The following TMOD1 variants were observed in gnomAD, a reference collection of about 807,000 sequenced individuals.
The protein encoded by TMOD1 is tropomodulin-1.
TMOD1 carries 17 observed loss-of-function variants against 40.6 expected under a neutral mutation model. The ratio of observed to expected loss-of-function variants is 0.42; its 90% CI spans 0.29 to 0.63. The LOEUF (loss-of-function observed/expected upper bound fraction) is 0.63, where lower values mean the gene tolerates loss of function less well. TMOD1 is among the 20% of genes least tolerant of loss of function. TMOD1 has a pLI of 0.22. For synonymous variants in TMOD1, 181 were observed against 175.0 expected, an observed-to-expected ratio of 1.03 and a Z score of -0.27; for missense variants, 391 against 447.6, an observed-to-expected ratio of 0.87 and a Z score of 1.14.
rs756536596 is a variant in TMOD1 at position 97,599,644 on chromosome 9, G to A, written c.1026G>A (p.Arg342=). ...TCCATTCCTTTCCAGTGAGGAAGAG[G>A]AGGCTTGCGGACCTGACTGGGCCCA... ...MMNNNDLVRK[R]RLADLTGPII... The change falls in exon 10 of 10, where the codon AGG becomes AGA. Residue 342 remains arginine (R), a synonymous_variant. Transcript: ENST00000259365. 5 of 1,614,070 alleles carry A rather than the reference G, an allele frequency of 3.1e-6. No individual in the cohort carries two copies. The African/African-American group carries it at 5.3e-5, about 17-fold the overall frequency.
intron 9 of TMOD1, among the ~76,000 whole-genome samples, chr9:97,594,681 A>G (rs963003799): frequency 9.2e-5 from 14 of 152,190 alleles, no homozygotes; most frequent in Non-Finnish European, 1.6e-4. Context: ...ATGCATCCTG[A>G]CCAGTGCGTC....
In TMOD1 at chr9:97,600,162, C is replaced by T. The variant is rs992047810; in HGVS notation, c.*464C>T. ...AAAACTGATTATCATTCTTTATTAACCCTCCTTGGAATTTTGAAAACCTCG... is the reference window on the plus strand; with the variant it reads ...AAAACTGATTATCATTCTTTATTAATCCTCCTTGGAATTTTGAAAACCTCG... On this transcript the variant is annotated 3_prime_UTR_variant, in exon 10 of 10. Transcript: ENST00000259365. 21 of 998,208 alleles carry T rather than the reference C, an allele frequency of 2.1e-5. No individual in the cohort carries two copies. The highest frequency in any genetic ancestry group is 2.5e-5 in the Non-Finnish European group (21 of 836,236). The allele number at this position is 998,208 out of a possible 1,614,324, so 61.8% of individuals were successfully genotyped here. A position where few individuals can be genotyped will look rare whatever the true frequency, so the allele number is the denominator to read the frequency against.
At chr9:97,558,512 C>T (rs1235972087) in intron 4 of TMOD1, among the ~76,000 whole-genome samples, 1 of 152,094 alleles carries the variant, frequency 6.6e-6, no homozygotes, top group Admixed American at 6.5e-5. Context: ...GGCGTGATCT[C>T]GGCTCACTGT....
rs1564004568 is a variant in TMOD1 at position 97,601,515 on chromosome 9, A to G, written c.*1817A>G. 1.0e-6 allele frequency: 1 copy of G among 988,698 alleles called. No homozygotes were observed. The highest frequency in any genetic ancestry group is 1.2e-6 in the Non-Finnish European group (1 of 832,000). The allele number at this position is 988,698 out of a possible 1,614,324, so 61.2% of individuals were successfully genotyped here. On this transcript the variant is annotated 3_prime_UTR_variant, in exon 10 of 10. Coordinates refer to ENST00000259365, the MANE Select transcript of TMOD1 (RefSeq NM_003275.4). ...GAAATCTCTCATAGAAACGAAACCA[A>G]ACCAACAGAAAATGAAGAAGGCCAC...
chr9:97,531,475 G>A (rs1041185897), intron 2 of TMOD1, among the ~76,000 whole-genome samples: 15 of 152,240 alleles, frequency 9.9e-5, no homozygotes, highest in African/African-American at 3.6e-4. Context: ...GCTAGGCGTG[G>A]TGGTGCGCAA....
At chr9:97,586,939 G>T (rs1825889940) in intron 8 of TMOD1, among the ~76,000 whole-genome samples, 1 of 152,328 alleles carries the variant, frequency 6.6e-6, no homozygotes, top group Middle Eastern at 3.4e-3. Flanking sequence ...TGGTACCTCA[G>T]ATGGAAATGC....
Position 97,562,752 on chromosome 9 carries a change from C to T in TMOD1, c.418C>T (p.Leu140Phe), listed in dbSNP as rs761554847. ...DIAAILGMHTLMSNQQYYQAL... is the reference protein window; with the variant it reads ...DIAAILGMHTFMSNQQYYQAL... ...TGCAGCGATCCTGGGCATGCACACG[C>T]TCATGAGTAACCAGCAGTACTACCA... is the stretch of plus-strand genomic sequence containing the variant. Residue 140 changes from leucine (L) to phenylalanine (F), a missense_variant, in exon 5 of 10, where the codon CTC (leucine) becomes TTC (phenylalanine). By Grantham distance (22) the Leu-to-Phe change is conservative. Coordinates refer to ENST00000259365, the MANE Select transcript of TMOD1 (RefSeq NM_003275.4). 3 of 1,571,038 alleles carry T rather than the reference C, an allele frequency of 1.9e-6. 1 individual carries two copies. The South Asian group carries it at 3.6e-5, about 19-fold the overall frequency.
intron 1 of TMOD1, among the ~76,000 whole-genome samples, chr9:97,505,429 G>T (rs567214124): frequency 6.6e-6 from 1 of 152,176 alleles, no homozygotes; most frequent in East Asian, 1.9e-4. Context: ...CGTTTCTAGC[G>T]ATGATTCTGG....
intron 3 of TMOD1, among the ~76,000 whole-genome samples, chr9:97,552,790 G>C (rs77565635): frequency 2.0e-3 from 307 of 152,218 alleles, no homozygotes; most frequent in African/African-American, 6.4e-3. Context: ...GTCCTCATAC[G>C]TACCTCTTTA....
chr9:97,514,536 T>G (rs1829768535), intron 1 of TMOD1, among the ~76,000 whole-genome samples: 1 of 152,172 alleles, frequency 6.6e-6, no homozygotes, highest in Non-Finnish European at 1.5e-5. Flanking sequence ...CCTCACTGCT[T>G]CCTGGGGATG....
At chr9:97,509,799 T>C (rs2131207357) in intron 1 of TMOD1, among the ~76,000 whole-genome samples, 1 of 152,376 alleles carries the variant, frequency 6.6e-6, no homozygotes, top group South Asian at 2.1e-4. Flanking sequence ...CTGGGAATTC[T>C]CAGACTTTTA....
intron 4 of TMOD1, among the ~76,000 whole-genome samples, chr9:97,559,867 T>TG (rs1256737477): frequency 3.7e-5 from 5 of 134,908 alleles, no homozygotes; most frequent in African/African-American, 1.4e-4. Context: ...AGATTCTGAT[T>TG]GGTTGGTCCA....
chr9:97,524,699 A>G (rs539244864), intron 2 of TMOD1, among the ~76,000 whole-genome samples: 1 of 152,276 alleles, frequency 6.6e-6, no homozygotes, highest in Non-Finnish European at 1.5e-5. Flanking sequence ...AGACCCAGGA[A>G]GAGTTGGGTC....
intron 7 of TMOD1, among the ~76,000 whole-genome samples, chr9:97,566,280 G>T (rs10982766): frequency 0.56 from 84,635 of 151,980 alleles, 23,814 homozygotes; most frequent in East Asian, 0.71. Context: ...GGACCTGCAA[G>T]TCCAGTGCAG....
At chr9:97,524,682 A>C (rs1829977276) in intron 2 of TMOD1, among the ~76,000 whole-genome samples, 1 of 152,192 alleles carries the variant, frequency 6.6e-6, no homozygotes, top group African/African-American at 2.4e-5. Context: ...AATAACCAGC[A>C]GGCCGAAGAC....
intron 2 of TMOD1, among the ~76,000 whole-genome samples, chr9:97,545,687 T>G (rs1391408863): frequency 6.6e-6 from 1 of 152,150 alleles, no homozygotes; most frequent in Non-Finnish European, 1.5e-5. Context: ...TTTTTTTTGG[T>G]CTGCCTCTTC....
intron 1 of TMOD1, among the ~76,000 whole-genome samples, chr9:97,515,631 C>T (rs146963824): frequency 1.3e-5 from 2 of 152,258 alleles, no homozygotes; most frequent in African/African-American, 4.8e-5. Flanking sequence ...GCAAAGGGTC[C>T]CACTGTTTTA....
intron 2 of TMOD1, among the ~76,000 whole-genome samples, chr9:97,541,839 CAT>C (rs1213141463): frequency 6.6e-6 from 1 of 151,972 alleles, no homozygotes; most frequent in Non-Finnish European, 1.5e-5. Flanking sequence ...GGTTATTTGT[CAT>C]ATATTATTGA....
chr9:97,586,671 G>T (rs1051252950), intron 8 of TMOD1, among the ~76,000 whole-genome samples: 1 of 152,212 alleles, frequency 6.6e-6, no homozygotes, highest in African/African-American at 2.4e-5. Flanking sequence ...TGTGGGCGTA[G>T]GACCCTCCGA....
Sources: gnomAD v4.1 joint callset for allele counts (sites outside exome capture counted in the v4.1 genomes callset) on GRCh38, gnomAD v4.1.1 for gene constraint, MANE v1.5 for transcripts, NCBI Gene and HGNC (gene_info 2026-07-23, HGNC 2026-07-21) for gene names.